ANKFY1: variants seen among roughly 807,000 people sequenced by gnomAD.
ANKFY1 encodes ankyrin repeat and FYVE domain containing 1.
ANKFY1 carries 47 observed loss-of-function variants against 128.3 expected under a neutral mutation model. That is an observed-to-expected ratio of 0.37 (90% CI 0.29 to 0.47). The LOEUF is 0.47. ANKFY1 is among the 20% of genes least tolerant of loss of function. ANKFY1 has a pLI of 1.00. For synonymous variants in ANKFY1, 553 were observed against 601.6 expected (o/e 0.92, Z 1.18); for missense variants, 1,222 against 1,510.6 (o/e 0.81, Z 3.17).
chr17:4,182,066 C>T, intron 15 of ANKFY1, 115 bp downstream of exon 15: 1 of 1,082,180 alleles, frequency 9.2e-7, no homozygotes. Flanking sequence ...TTGTCCTTGT[C>T]CCACTATGTT....
chr17:4,171,863 T>C (rs10775383), intron 22 of ANKFY1, among the ~76,000 whole-genome samples: 76,436 of 151,900 alleles, frequency 0.5, 21,485 homozygotes, highest in East Asian at 0.75. Flanking sequence ...CAGAGGTGAG[T>C]GAATGGGAAT....
chr17:4,242,886 C>T (rs909612663), intron 1 of ANKFY1, among the ~76,000 whole-genome samples: 4 of 152,186 alleles, frequency 2.6e-5, no homozygotes, highest in African/African-American at 9.6e-5. Context: ...TGCTGACAGG[C>T]ACTTGCCCCA....
intron 2 of ANKFY1, among the ~76,000 whole-genome samples, chr17:4,240,740 C>G (rs1967168123): frequency 6.6e-6 from 1 of 152,204 alleles, no homozygotes; most frequent in Admixed American, 6.5e-5. Context: ...AGTCCCCAAA[C>G]TGGAAAACAC....
intron 1 of ANKFY1, among the ~76,000 whole-genome samples, chr17:4,252,922 A>G (rs1238217080): frequency 6.6e-6 from 1 of 152,204 alleles, no homozygotes; most frequent in Non-Finnish European, 1.5e-5. Context: ...ATGCTACGTG[A>G]AAGGAGCCAG....
chr17:4,228,420 T>G (rs1202285128), intron 3 of ANKFY1, among the ~76,000 whole-genome samples: 3 of 151,354 alleles, frequency 2.0e-5, no homozygotes, highest in Admixed American at 6.6e-5. Flanking sequence ...TTTGTTAGTT[T>G]TTTTTTTTTT....
chr17:4,189,346 C>T, intron 11 of ANKFY1, 36 bp downstream of exon 11: 1 of 1,524,762 alleles, frequency 6.6e-7, no homozygotes, highest in Admixed American at 2.0e-5. Flanking sequence ...TTCCATAGAT[C>T]AACACCATTT....
chr17:4,182,433 G>A, intron 14 of ANKFY1, 84 bp from the exon 15 acceptor site: 1 of 1,091,906 alleles, frequency 9.2e-7, no homozygotes, highest in Non-Finnish European at 1.3e-6. Context: ...CCAGAGTCCA[G>A]AATCTTCTGT....
chr17:4,247,489 CG>C (rs373763338), intron 1 of ANKFY1, among the ~76,000 whole-genome samples: 57 of 152,210 alleles, frequency 3.7e-4, no homozygotes, highest in African/African-American at 1.3e-3. Context: ...CAGCTTTTGT[CG>C]GGGGAAACCC....
At chr17:4,177,377 C>A in intron 18 of ANKFY1, 75 bp from the exon 19 acceptor site, 1 of 1,375,848 alleles carries the variant, frequency 7.3e-7, no homozygotes, top group South Asian at 1.5e-5. Flanking sequence ...GCAAGCTGAA[C>A]TGACCACTGG....
chr17:4,225,564 G>A (rs1326121274), intron 3 of ANKFY1, among the ~76,000 whole-genome samples: 2 of 152,102 alleles, frequency 1.3e-5, no homozygotes, highest in Non-Finnish European at 2.9e-5. Flanking sequence ...TGTTATGGCA[G>A]TGGAACAACC....
intron 7 of ANKFY1, among the ~76,000 whole-genome samples, chr17:4,202,859 T>C (rs1041292435): frequency 3.4e-5 from 5 of 149,082 alleles, no homozygotes. Context: ...ATGGATAGCA[T>C]GATAAAAAAA....
chr17:4,203,430 T>C (rs1442602407), intron 7 of ANKFY1, among the ~76,000 whole-genome samples: 2 of 152,192 alleles, frequency 1.3e-5, no homozygotes, highest in African/African-American at 2.4e-5. Context: ...CCAGTAACCT[T>C]CATTATTCAA....
intron 7 of ANKFY1, among the ~76,000 whole-genome samples, chr17:4,198,623 C>T (rs918415875): frequency 4.6e-5 from 7 of 152,136 alleles, no homozygotes; most frequent in African/African-American, 1.2e-4. Flanking sequence ...CCACCTGCCT[C>T]GGCCTCCCAA....
intron 23 of ANKFY1, among the ~76,000 whole-genome samples, chr17:4,170,192 C>G (rs1195282842): frequency 6.6e-6 from 1 of 152,248 alleles, no homozygotes; most frequent in African/African-American, 2.4e-5. Flanking sequence ...TCCTGCCTGT[C>G]TCTCCCCACT....
intron 10 of ANKFY1, 23 bp from the exon 11 acceptor site, chr17:4,189,502 G>A: frequency 6.5e-7 from 1 of 1,546,466 alleles, no homozygotes; most frequent in Non-Finnish European, 8.8e-7. Context: ...GGGCATTGCT[G>A]ATTCTTCTGT....
chr17:4,168,927 G>T (rs1417035852), intron 24 of ANKFY1: 3 of 449,362 alleles, frequency 6.7e-6, no homozygotes, highest in Admixed American at 3.3e-5. Flanking sequence ...AGGAAGTCAG[G>T]AAGGATGGCA....
chr17:4,262,881 T>C (rs745364442), intron 1 of ANKFY1, among the ~76,000 whole-genome samples: 62 of 152,122 alleles, frequency 4.1e-4, no homozygotes, highest in Non-Finnish European at 1.8e-4. Context: ...TGAAGTCTAA[T>C]GCAAATGAGA....
intron 3 of ANKFY1, among the ~76,000 whole-genome samples, chr17:4,220,649 A>G (rs1464838157): frequency 1.3e-5 from 2 of 152,102 alleles, no homozygotes; most frequent in Non-Finnish European, 2.9e-5. Flanking sequence ...AAGCTTTCCC[A>G]CTCCTGCCGT....
chr17:4,249,748 T>C (rs1967733666), intron 1 of ANKFY1, among the ~76,000 whole-genome samples: 1 of 152,158 alleles, frequency 6.6e-6, no homozygotes, highest in Admixed American at 6.5e-5. Flanking sequence ...CTCACAGTAA[T>C]GCCTCCCACC....
Sources: gnomAD v4.1 joint callset for allele counts (sites outside exome capture counted in the v4.1 genomes callset) on GRCh38, gnomAD v4.1.1 for gene constraint, MANE v1.5 for transcripts, NCBI Gene and HGNC (gene_info 2026-07-23, HGNC 2026-07-21) for gene names.